NEBL: variants seen among roughly 807,000 people sequenced by gnomAD.
The protein encoded by NEBL is LIM and SH3 protein 2.
Under a neutral mutation model 140.2 loss-of-function variants are expected in NEBL, and 122 were observed. The observed-to-expected ratio is 0.87, with a 90% CI of 0.75 to 1.01. NEBL has a LOEUF of 1.01. NEBL is among the 50% of genes least tolerant of loss of function. The pLI, the probability that NEBL is intolerant of heterozygous loss-of-function variation, is 0.00. For synonymous variants in NEBL, 436 were observed against 398.9 expected (o/e 1.09, Z -1.11); for missense variants, 1,365 against 1,231.3 (o/e 1.11, Z -1.62).
At chr10:20,789,418 T>G (rs781672462) in intron 26 of NEBL, among the ~76,000 whole-genome samples, 3 of 152,206 alleles carry the variant, frequency 2.0e-5, no homozygotes, top group Non-Finnish European at 4.4e-5. Context: ...TTGAAAAATT[T>G]GGGAAAATAG....
intron 13 of NEBL, among the ~76,000 whole-genome samples, chr10:20,836,915 C>T (rs1564368943): frequency 6.6e-6 from 1 of 152,144 alleles, no homozygotes; most frequent in Admixed American, 6.5e-5. Context: ...GGAGATGCCA[C>T]CAAATGCACC....
chr10:20,937,774 G>A (rs987578835), intron 4 of NEBL, among the ~76,000 whole-genome samples: 13 of 152,146 alleles, frequency 8.5e-5, no homozygotes, highest in Admixed American at 6.5e-4. Context: ...TTTAGCAAAC[G>A]GCACACCAGG....
At chr10:21,029,980 C>T in intron 2 of NEBL, 1 of 69,434 alleles carries the variant, frequency 1.4e-5, no homozygotes, top group South Asian at 1.7e-4. Flanking sequence ...TAATGATAGA[C>T]GTCCCCCGTC....
intron 26 of NEBL, among the ~76,000 whole-genome samples, chr10:20,791,681 A>C (rs1835995479): frequency 6.6e-6 from 1 of 152,104 alleles, no homozygotes; most frequent in Admixed American, 6.6e-5. Flanking sequence ...GGGCGTGAGC[A>C]CTGCACCATG....
intron 3 of NEBL, among the ~76,000 whole-genome samples, chr10:21,233,869 A>C (rs1842305373): frequency 7.5e-6 from 1 of 133,748 alleles, no homozygotes; most frequent in African/African-American, 2.6e-5. Flanking sequence ...TATATATTAC[A>C]TATATATGCA....
chr10:20,916,967 A>T (rs560855303), intron 4 of NEBL, among the ~76,000 whole-genome samples: 1 of 152,380 alleles, frequency 6.6e-6, no homozygotes, highest in South Asian at 2.1e-4. Context: ...AAGCATGTGC[A>T]TATAATTTAT....
chr10:20,967,063 T>G (rs1291510634), intron 3 of NEBL, among the ~76,000 whole-genome samples: 1 of 152,040 alleles, frequency 6.6e-6, no homozygotes, highest in Admixed American at 6.5e-5. Flanking sequence ...GGCAATGAAT[T>G]CAAGGATGGG....
intron 2 of NEBL, among the ~76,000 whole-genome samples, chr10:21,047,731 GT>G (rs1256070873): frequency 1.3e-5 from 2 of 152,148 alleles, no homozygotes; most frequent in African/African-American, 4.8e-5. Context: ...CTTAATCCTT[GT>G]TCTGCCACCA....
intron 26 of NEBL, among the ~76,000 whole-genome samples, chr10:20,790,032 A>T (rs1187164510): frequency 5.4e-4 from 82 of 151,650 alleles, no homozygotes; most frequent in Admixed American, 5.3e-3. Flanking sequence ...TTTGAAAGGG[A>T]ACCTGTGCTA....
At chr10:20,837,274 T>C (rs191322582) in intron 13 of NEBL, among the ~76,000 whole-genome samples, 24 of 152,260 alleles carry the variant, frequency 1.6e-4, no homozygotes, top group Middle Eastern at 3.4e-3. Flanking sequence ...AGTGAACACA[T>C]GAATTATAAG....
At chr10:20,930,396 C>T (rs920506697) in intron 4 of NEBL, among the ~76,000 whole-genome samples, 6 of 152,306 alleles carry the variant, frequency 3.9e-5, no homozygotes, top group South Asian at 2.1e-4. Flanking sequence ...CCCTATCTCA[C>T]GTGTCTCCTG....
chr10:21,063,362 G>A (rs958561435), intron 2 of NEBL, among the ~76,000 whole-genome samples: 1 of 152,172 alleles, frequency 6.6e-6, no homozygotes, highest in Non-Finnish European at 1.5e-5. Context: ...AATGCTCTAA[G>A]TTCCCAATTA....
intron 4 of NEBL, among the ~76,000 whole-genome samples, chr10:20,953,329 G>A (rs925770659): frequency 2.6e-5 from 4 of 152,122 alleles, no homozygotes; most frequent in African/African-American, 7.2e-5. Context: ...AAGGCCACAT[G>A]AGGACACTGC....
At position 21,173,660 on chromosome 10, in the gene NEBL, G is replaced by C; in HGVS notation, c.69+105C>G. 6.4e-7 allele frequency: 1 copy of C among 1,570,126 alleles called. No homozygotes were observed. Among genetic ancestry groups the C allele is most frequent in the Non-Finnish European group, 8.7e-7 (1 of 1,154,210 alleles). Reference sequence around the variant, plus strand: ...CCCCCGTGCCAAGGCACACGCACACGCACCGACCCACTCATTGCTTTCCAT... The same window carrying C: ...CCCCCGTGCCAAGGCACACGCACACCCACCGACCCACTCATTGCTTTCCAT... On this transcript the variant is annotated intron_variant, in intron 1 of 6. Transcript: ENST00000417816. This position sits in a 1 kb window ranked among gnomAD's most constrained non-coding sequence, Gnocchi z 5.7.
chr10:21,079,304 T>A (rs1035693101), intron 2 of NEBL, among the ~76,000 whole-genome samples: 4 of 152,172 alleles, frequency 2.6e-5, no homozygotes, highest in Non-Finnish European at 4.4e-5. Flanking sequence ...CTTGAGATTT[T>A]AAAAAAATAC....
intron 7 of NEBL, among the ~76,000 whole-genome samples, chr10:20,862,787 CAA>C (rs1035040049): frequency 1.3e-5 from 2 of 152,146 alleles, no homozygotes; most frequent in Non-Finnish European, 2.9e-5. Context: ...ATTCTGGAAA[CAA>C]ATGAAGTTAC....
At chr10:21,177,658 T>G (rs1352646215), upstream of NEBL, among the ~76,000 whole-genome samples, 1 of 151,868 alleles carries the variant, frequency 6.6e-6, no homozygotes, top group East Asian at 1.9e-4. Context: ...GCCTCCCGAG[T>G]AGCTGGGACT....
intron 2 of NEBL, chr10:21,125,717 C>T (rs1393978102): frequency 6.3e-6 from 5 of 791,396 alleles, no homozygotes; most frequent in Non-Finnish European, 1.1e-5. Context: ...TACAGAGCTG[C>T]CTTTGAAGTC....
chr10:20,951,535 T>C (rs1835463641), intron 4 of NEBL, among the ~76,000 whole-genome samples: 1 of 152,168 alleles, frequency 6.6e-6, no homozygotes, highest in Non-Finnish European at 1.5e-5. Flanking sequence ...TCTAATTGTA[T>C]AAACTTGGCT....
Sources: allele counts gnomAD v4.1 joint callset (sites outside exome capture counted in the v4.1 genomes callset), GRCh38; gene constraint gnomAD v4.1.1; non-coding constraint Gnocchi (gnomAD v3.1); transcripts MANE v1.5; gene names NCBI Gene and HGNC (gene_info 2026-07-23, HGNC 2026-07-21).